KCNH7: variants seen among roughly 807,000 people sequenced by gnomAD.
KCNH7 encodes voltage-gated inwardly rectifying potassium channel KCNH7.
In KCNH7, 49 loss-of-function variants were observed where a neutral mutation model predicts 120.8. The ratio of observed to expected loss-of-function variants is 0.41; its 90% CI spans 0.32 to 0.51. The LOEUF (loss-of-function observed/expected upper bound fraction) is 0.51. Ranked by LOEUF, KCNH7 falls within the 20% of genes least tolerant of loss-of-function variation. The probability of loss-of-function intolerance (pLI) is 0.38; values close to 1 mark genes in which losing one functional copy is unlikely to be tolerated. For missense variants in KCNH7, 1,097 were observed against 1,446.6 expected (o/e 0.76, Z 3.92); for synonymous variants, 547 against 516.1 (o/e 1.06, Z -0.81).
chr2:162,433,715 G>A (rs1688144677), intron 8 of KCNH7, among the ~76,000 whole-genome samples: 1 of 151,888 alleles, frequency 6.6e-6, no homozygotes, highest in Non-Finnish European at 1.5e-5. Context: ...GATAACAGAT[G>A]CTGGTGAGGC....
intron 5 of KCNH7, among the ~76,000 whole-genome samples, chr2:162,511,233 T>A (rs1691062790): frequency 6.6e-6 from 1 of 151,730 alleles, no homozygotes; most frequent in African/African-American, 2.4e-5. Flanking sequence ...ACTAGTAGTT[T>A]GAAAGTTAAA....
intron 6 of KCNH7, among the ~76,000 whole-genome samples, chr2:162,486,938 G>A (rs1205686968): frequency 3.3e-5 from 5 of 152,186 alleles, no homozygotes; most frequent in Non-Finnish European, 7.3e-5. Context: ...AAGGGTTACT[G>A]TTTGAACTAA....
At chr2:162,445,038 C>G (rs547862185) in intron 7 of KCNH7, among the ~76,000 whole-genome samples, 1 of 152,072 alleles carries the variant, frequency 6.6e-6, no homozygotes, top group East Asian at 1.9e-4. Flanking sequence ...TGTTTCATTG[C>G]CCTGCTCTTA....
chr2:162,590,055 C>A (rs1559032548), intron 2 of KCNH7, among the ~76,000 whole-genome samples: 1 of 152,016 alleles, frequency 6.6e-6, no homozygotes, highest in South Asian at 2.1e-4. Flanking sequence ...TGTTAAGGGA[C>A]AAAATGCTAG....
At chr2:162,492,375 TG>T (rs1690338897) in intron 6 of KCNH7, among the ~76,000 whole-genome samples, 1 of 152,208 alleles carries the variant, frequency 6.6e-6, no homozygotes, top group Non-Finnish European at 1.5e-5. Context: ...TTTATGTCTT[TG>T]GGGGCTTGAC....
chr2:162,644,768 T>G (rs1346577309), intron 2 of KCNH7, among the ~76,000 whole-genome samples: 1 of 152,168 alleles, frequency 6.6e-6, no homozygotes, highest in African/African-American at 2.4e-5. Flanking sequence ...GAGGTCCTAT[T>G]TTTTTCCTTA....
At chr2:162,752,958 GA>G (rs1688635211) in intron 2 of KCNH7, among the ~76,000 whole-genome samples, 1 of 108,856 alleles carries the variant, frequency 9.2e-6, no homozygotes, top group Non-Finnish European at 1.6e-5. Flanking sequence ...GAAAAGAAAA[GA>G]AAAGAAAAGA....
At chr2:162,587,317 C>G (rs973217145) in intron 2 of KCNH7, among the ~76,000 whole-genome samples, 5 of 152,024 alleles carry the variant, frequency 3.3e-5, no homozygotes, top group African/African-American at 1.2e-4. Flanking sequence ...GCAAACAAAA[C>G]TTTTAGAATA....
At chr2:162,500,942 T>G (rs1690667369) in intron 6 of KCNH7, among the ~76,000 whole-genome samples, 1 of 152,080 alleles carries the variant, frequency 6.6e-6, no homozygotes, top group Non-Finnish European at 1.5e-5. Flanking sequence ...ATAGCTGCAA[T>G]TAGGAAACTT....
intron 2 of KCNH7, among the ~76,000 whole-genome samples, chr2:162,550,904 A>G (rs1692647675): frequency 1.3e-5 from 2 of 151,080 alleles, no homozygotes; most frequent in African/African-American, 2.4e-5. Context: ...TAATAATAAT[A>G]ATAATAATAA....
chr2:162,694,986 C>T (rs1246468884), intron 2 of KCNH7, among the ~76,000 whole-genome samples: 1 of 152,014 alleles, frequency 6.6e-6, no homozygotes, highest in Non-Finnish European at 1.5e-5. Flanking sequence ...AGTGATCCAC[C>T]CGCCTCGGCC....
In KCNH7 at chr2:162,718,490, A is replaced by T. The variant is rs370462694; in HGVS notation, c.307+118047T>A. On this transcript the variant is annotated intron_variant, in intron 2 of 15. Transcript: ENST00000332142. ...AATAGCCTGAAATCATTTAAAGCCC[A>T]CTGTAGAGAACATGGTATGAACAAA... Among the ~76,000 whole-genome samples the T allele has an allele frequency of 8.7e-4, 132 of 152,134 alleles. 1 individual carries two copies. The South Asian group carries it at 0.027, about 31-fold the overall frequency.
intron 6 of KCNH7, among the ~76,000 whole-genome samples, chr2:162,490,055 C>T (rs987765116): frequency 6.6e-6 from 1 of 152,198 alleles, no homozygotes; most frequent in African/African-American, 2.4e-5. Flanking sequence ...GTTAATCATA[C>T]TCTAGAGGTA....
chr2:162,811,375 T>A (rs534719617), intron 2 of KCNH7, among the ~76,000 whole-genome samples: 1 of 151,986 alleles, frequency 6.6e-6, no homozygotes, highest in South Asian at 2.1e-4. Context: ...CCAGAGAAAG[T>A]ATATTTAACA....
At chr2:162,650,217 G>C (rs540323741) in intron 2 of KCNH7, among the ~76,000 whole-genome samples, 132 of 152,234 alleles carry the variant, frequency 8.7e-4, no homozygotes, top group African/African-American at 2.9e-3. Flanking sequence ...CATGGCTAAA[G>C]CTTTTCCACA....
At chr2:162,673,159 A>G (rs1685418315) in intron 2 of KCNH7, among the ~76,000 whole-genome samples, 1 of 152,050 alleles carries the variant, frequency 6.6e-6, no homozygotes, top group Non-Finnish European at 1.5e-5. Flanking sequence ...CTACAAAAGG[A>G]TTATATAAAT....
intron 12 of KCNH7, among the ~76,000 whole-genome samples, chr2:162,386,518 G>T (rs1287645472): frequency 6.6e-6 from 1 of 151,748 alleles, no homozygotes; most frequent in Non-Finnish European, 1.5e-5. Context: ...GCACCAGTTT[G>T]CTCTTCCTAA....
chr2:162,444,548 A>C (rs1414554161), intron 7 of KCNH7, among the ~76,000 whole-genome samples: 2 of 152,182 alleles, frequency 1.3e-5, no homozygotes, highest in Non-Finnish European at 2.9e-5. Context: ...CATTATGTCC[A>C]GAATTTTTAG....
chr2:162,512,135 G>C (rs1691099943), intron 5 of KCNH7, among the ~76,000 whole-genome samples: 1 of 151,662 alleles, frequency 6.6e-6, no homozygotes, highest in African/African-American at 2.4e-5. Context: ...AAATATAATA[G>C]AGAAAAATAG....
Sources: gnomAD v4.1 joint callset for allele counts (sites outside exome capture counted in the v4.1 genomes callset) on GRCh38, gnomAD v4.1.1 for gene constraint, MANE v1.5 for transcripts, NCBI Gene and HGNC (gene_info 2026-07-23, HGNC 2026-07-21) for gene names.